Variants in SASH1 observed in about 807,000 individuals in gnomAD.
SASH1 encodes the protein SAM and SH3 domain containing 1.
Under a neutral mutation model 125.2 loss-of-function variants are expected in SASH1, and 44 were observed. That is an observed-to-expected ratio of 0.35 (90% CI 0.28 to 0.45). The LOEUF (loss-of-function observed/expected upper bound fraction) is 0.45. Ranked by LOEUF, SASH1 falls within the 20% of genes least tolerant of loss-of-function variation. The pLI is 1.00. For missense variants in SASH1, 1,426 were observed against 1,614.5 expected, an observed-to-expected ratio of 0.88 and a Z score of 2.00; for synonymous variants, 639 against 649.1, an observed-to-expected ratio of 0.98 and a Z score of 0.24.
At position 148,543,753 on chromosome 6, in the gene SASH1, C is replaced by T; in HGVS notation, c.2283C>T (p.Asn761=). Residue 761 remains asparagine (N), a synonymous_variant, in exon 18 of 20, where the codon AAC becomes AAT. Transcript: ENST00000367467. ...CCAGCTTGAAGTCTTTTAGCAGAAACCAGTTGGGCAATTACCCAACATTGC... is the reference window on the plus strand; with the variant it reads ...CCAGCTTGAAGTCTTTTAGCAGAAATCAGTTGGGCAATTACCCAACATTGC... ...TEPSLKSFSR[N]QLGNYPTLPL... is the part of the protein sequence containing the mutation. 1 of 1,609,644 alleles carries T rather than the reference C, an allele frequency of 6.2e-7. No individual in the cohort carries two copies. The highest frequency in any genetic ancestry group is 8.5e-7 in the Non-Finnish European group (1 of 1,177,248).
chr6:148,292,731 G>C (rs1779667203), intron 1 of SASH1, among the ~76,000 whole-genome samples: 1 of 152,144 alleles, frequency 6.6e-6, no homozygotes. Context: ...ATTGATCGTA[G>C]GTTCAATGCC....
chr6:148,415,082 A>G (rs917387564), intron 2 of SASH1, among the ~76,000 whole-genome samples: 3 of 152,236 alleles, frequency 2.0e-5, no homozygotes, highest in African/African-American at 7.2e-5. Context: ...CAGAGTGCAC[A>G]GTATTTTCTT....
chr6:148,321,745 A>G (rs1780638769), intron 1 of SASH1, among the ~76,000 whole-genome samples: 1 of 152,206 alleles, frequency 6.6e-6, no homozygotes, highest in Non-Finnish European at 1.5e-5. Flanking sequence ...AAATCCATCG[A>G]AGATGGTCTA....
At chr6:148,432,532 T>C (rs1489931844) in intron 2 of SASH1, among the ~76,000 whole-genome samples, 1 of 152,224 alleles carries the variant, frequency 6.6e-6, no homozygotes, top group African/African-American at 2.4e-5. Context: ...ATTTTACTTT[T>C]AGCTGCATGT....
In SASH1 at chr6:148,495,626, T is replaced by C. The variant is rs1779276628; in HGVS notation, c.729+7911T>C. Among the ~76,000 whole-genome samples, 1 of 152,200 alleles carries C rather than the reference T, an allele frequency of 6.6e-6. No homozygotes were observed. Among genetic ancestry groups the C allele is most frequent in the Non-Finnish European group, 1.5e-5 (1 of 68,028 alleles). On this transcript the variant is annotated intron_variant, in intron 8 of 19. Transcript: ENST00000367467. This position sits in a 1 kb window ranked among gnomAD's most constrained non-coding sequence, Gnocchi z 4.0. The stretch of plus-strand genomic sequence containing the variant: ...CAGCATATGATGAATTTACAAAATC[T>C]GCTCCCACCTATAAATATTCCCAGC...
chr6:148,410,366 C>T (rs1562388863), intron 2 of SASH1, among the ~76,000 whole-genome samples: 2 of 151,982 alleles, frequency 1.3e-5, no homozygotes, highest in African/African-American at 2.4e-5. Context: ...GCCTCGGCCT[C>T]CCAACAGAGC....
chr6:148,519,576 C>G lies in SASH1; in HGVS notation c.892C>G (p.Pro298Ala), dbSNP rs767846459. ...GGEEHVFENS[P>A]VLDERSALYS... Reference sequence around the variant, plus strand: ...GGAGGAGCACGTGTTTGAGAATTCGCCGGTCCTGGATGAACGGTCCGCCCT... The same window carrying G: ...GGAGGAGCACGTGTTTGAGAATTCGGCGGTCCTGGATGAACGGTCCGCCCT... Residue 298 changes from proline to alanine, a missense_variant, in exon 10 of 20, where the codon CCG becomes GCG. Physicochemically the swap from Pro to Ala is conservative, Grantham distance 27 (BLOSUM62 -1). Coordinates refer to ENST00000367467, the MANE Select transcript of SASH1 (RefSeq NM_015278.5). The surrounding 1 kb of genome is among the most constrained non-coding windows in gnomAD (Gnocchi z 4.8). 6.2e-7 allele frequency: 1 copy of G among 1,613,988 alleles called. No individual in the cohort carries two copies. The highest frequency in any genetic ancestry group is 1.1e-5 in the South Asian group (1 of 91,070).
intron 1 of SASH1, among the ~76,000 whole-genome samples, chr6:148,304,043 G>A (rs1042574122): frequency 6.6e-6 from 1 of 152,084 alleles, no homozygotes; most frequent in Non-Finnish European, 1.5e-5. Flanking sequence ...GATGGCTCAC[G>A]CCTGTAATCC....
intron 7 of SASH1, among the ~76,000 whole-genome samples, chr6:148,485,333 G>A (rs1451887285): frequency 1.3e-5 from 2 of 152,124 alleles, no homozygotes; most frequent in African/African-American, 4.8e-5. Flanking sequence ...GTAAAGACTG[G>A]AACAATCCAA....
chr6:148,360,268 A>G (rs911543748), intron 1 of SASH1, among the ~76,000 whole-genome samples: 6 of 146,830 alleles, frequency 4.1e-5, no homozygotes, highest in African/African-American at 1.5e-4. Flanking sequence ...AAGGAGTTGG[A>G]TTGGAGGTTG....
chr6:148,319,022 CTTTTTTTTT>C (rs10695657), intron 1 of SASH1, among the ~76,000 whole-genome samples: 3 of 66,648 alleles, frequency 4.5e-5, no homozygotes, highest in Non-Finnish European at 5.5e-5. Context: ...CATTTATCTT[CTTTTTTTTT>C]TTTTTTTTTT....
At chr6:148,530,219 G>A (rs1413557174) in intron 12 of SASH1, among the ~76,000 whole-genome samples, 1 of 152,066 alleles carries the variant, frequency 6.6e-6, no homozygotes, top group East Asian at 1.9e-4. Flanking sequence ...TGTTATTGTA[G>A]GTAATTCATA....
intron 17 of SASH1, among the ~76,000 whole-genome samples, chr6:148,543,362 C>T (rs1425934029): frequency 1.3e-5 from 2 of 152,204 alleles, no homozygotes; most frequent in South Asian, 2.1e-4. Flanking sequence ...CCTCTTTCCA[C>T]GTCGATTGCA....
chr6:148,375,713 G>T (rs918330330), intron 1 of SASH1, among the ~76,000 whole-genome samples: 1 of 152,206 alleles, frequency 6.6e-6, no homozygotes, highest in Non-Finnish European at 1.5e-5. Flanking sequence ...CAGATGCATA[G>T]ATATGGATAC....
chr6:148,260,655 G>A, the SASH1 span, among the ~76,000 whole-genome samples: 9 of 150,432 alleles, frequency 6.0e-5, no homozygotes, highest in South Asian at 2.1e-4. Context: ...AAATTATCAC[G>A]TAAATAATCT....
intron 2 of SASH1, among the ~76,000 whole-genome samples, chr6:148,417,412 C>T (rs188202575): frequency 1.3e-5 from 2 of 152,122 alleles, no homozygotes; most frequent in African/African-American, 2.4e-5. Flanking sequence ...TGGTGAAACC[C>T]CGTGGCTACT....
intron 2 of SASH1, among the ~76,000 whole-genome samples, chr6:148,392,801 C>T (rs1426390789): frequency 1.3e-5 from 2 of 152,128 alleles, no homozygotes; most frequent in Non-Finnish European, 1.5e-5. Context: ...CCCAGGTGGG[C>T]GGCAGTGTTG....
At chr6:148,537,229 A>T (rs1781900680) in intron 16 of SASH1, among the ~76,000 whole-genome samples, 1 of 152,186 alleles carries the variant, frequency 6.6e-6, no homozygotes, top group Admixed American at 6.5e-5. Context: ...GAGAGCAAAA[A>T]GTACATTTCC....
At chr6:148,322,023 T>G (rs142847454) in intron 1 of SASH1, among the ~76,000 whole-genome samples, 2 of 152,332 alleles carry the variant, frequency 1.3e-5, no homozygotes, top group African/African-American at 4.8e-5. Flanking sequence ...TCATCTCCTC[T>G]GGAATCTTGG....
Sources: gnomAD v4.1 joint callset for allele counts (sites outside exome capture counted in the v4.1 genomes callset) on GRCh38, gnomAD v4.1.1 for gene constraint, Gnocchi (gnomAD v3.1) non-coding constraint, MANE v1.5 for transcripts, NCBI Gene and HGNC (gene_info 2026-07-23, HGNC 2026-07-21) for gene names.